C3orf22: variants seen among roughly 807,000 people sequenced by gnomAD.
C3orf22 encodes the protein chromosome 3 open reading frame 22.
Under a neutral mutation model 10.8 loss-of-function variants are expected in C3orf22, and 7 were observed. The observed-to-expected ratio is 0.65, with a 90% CI of 0.37 to 1.22. The LOEUF is 1.22. Among genes scored for constraint, C3orf22 ranks in the 50% most tolerant of loss-of-function variants. C3orf22 has a pLI of 0.02. For missense variants in C3orf22, 173 were observed against 177.0 expected (o/e 0.98, Z 0.13); for synonymous variants, 79 against 78.9 (o/e 1.00, Z 0.00).
chr3:126,532,647 C>T (rs1351051208), intron 4 of C3orf22, among the ~76,000 whole-genome samples: 2 of 152,196 alleles, frequency 1.3e-5, no homozygotes, highest in South Asian at 2.1e-4. Context: ...CTAGCCAGCA[C>T]CACACAGTCT....
intron 4 of C3orf22, among the ~76,000 whole-genome samples, chr3:126,539,036 G>T (rs751865052): frequency 2.6e-5 from 4 of 152,120 alleles, no homozygotes; most frequent in South Asian, 4.1e-4. Flanking sequence ...CTGCTTTGCC[G>T]TGTGCTTACA....
Position 126,549,890 on chromosome 3 carries a change from C to G in C3orf22, c.404G>C (p.Gly135Ala), listed in dbSNP as rs1480513507. Reference sequence around the variant, plus strand: ...TCTCTAGGAGAGGCCCCTGGACAGCCCTGCCGCCTTGCTGGTCTGGGGGCA... The same window carrying G: ...TCTCTAGGAGAGGCCCCTGGACAGCGCTGCCGCCTTGCTGGTCTGGGGGCA... ...AACPQTSKAAGLSRGLS is the reference protein window; with the variant it reads ...AACPQTSKAAALSRGLS Residue 135 changes from glycine to alanine, a missense_variant, in exon 4 of 4, where the codon GGG becomes GCG. Transcript: ENST00000318225. 2 of 1,613,524 alleles carry G rather than the reference C, an allele frequency of 1.2e-6. No individual in the cohort carries two copies. The highest frequency in any genetic ancestry group is 1.7e-6 in the Non-Finnish European group (2 of 1,179,796).
At chr3:126,542,155 T>C (rs1188150461) in intron 4 of C3orf22, 4 of 1,527,106 alleles carry the variant, frequency 2.6e-6, no homozygotes, top group East Asian at 2.5e-5. Context: ...GGCGCTACGG[T>C]GCACGCATCG....
At chr3:126,557,516 T>C (rs543395143) in intron 1 of C3orf22, among the ~76,000 whole-genome samples, 1 of 152,158 alleles carries the variant, frequency 6.6e-6, no homozygotes, top group East Asian at 1.9e-4. Flanking sequence ...GAGGGCGGGG[T>C]ACTGGGCTAG....
At chr3:126,545,202 C>T (rs1937046948), downstream of C3orf22, among the ~76,000 whole-genome samples, 1 of 152,254 alleles carries the variant, frequency 6.6e-6, no homozygotes, top group African/African-American at 2.4e-5. Context: ...TAGTCCAGTG[C>T]CCACAAGGGC....
At chr3:126,537,028 C>A (rs1330610888) in intron 4 of C3orf22, among the ~76,000 whole-genome samples, 1 of 152,158 alleles carries the variant, frequency 6.6e-6, no homozygotes, top group East Asian at 1.9e-4. Flanking sequence ...TTGGCCAGGT[C>A]CCTCCCCTAG....
intron 1 of C3orf22, 47 bp from the exon 2 acceptor site, chr3:126,553,477 C>A (rs922160418): frequency 3.3e-6 from 4 of 1,213,190 alleles, no homozygotes. Context: ...TGGTGGGGGG[C>A]AGAAGGCAGA....
chr3:126,536,226 A>G, intron 4 of C3orf22: 5 of 1,562,470 alleles, frequency 3.2e-6, no homozygotes, highest in Non-Finnish European at 4.4e-6. Flanking sequence ...GGTCCATGCA[A>G]GTCCCTCTGA....
chr3:126,532,278 A>G (rs1936675525), intron 4 of C3orf22, among the ~76,000 whole-genome samples: 1 of 152,188 alleles, frequency 6.6e-6, no homozygotes, highest in Non-Finnish European at 1.5e-5. Context: ...ATGTAGTTCA[A>G]TTTATCTATT....
chr3:126,542,583 C>T, intron 4 of C3orf22: 2 of 1,467,932 alleles, frequency 1.4e-6, no homozygotes, highest in Non-Finnish European at 1.8e-6. Flanking sequence ...CTCTAGCGGT[C>T]CTGGAGGTCC....
chr3:126,528,643 AG>A (rs372699200), intron 5 of C3orf22, among the ~76,000 whole-genome samples: 28 of 152,184 alleles, frequency 1.8e-4, no homozygotes, highest in East Asian at 1.4e-3. Context: ...GGAAGGTGGA[AG>A]TGGGGTCCGG....
downstream of C3orf22, chr3:126,549,567 T>G (rs1937133153): frequency 1.9e-6 from 2 of 1,073,594 alleles, no homozygotes; most frequent in South Asian, 1.3e-5. Context: ...GATAAAGTCC[T>G]AGAAGTGACA....
At chr3:126,542,105 C>T in intron 4 of C3orf22, 2 of 1,581,716 alleles carry the variant, frequency 1.3e-6, no homozygotes, top group Non-Finnish European at 1.7e-6. Flanking sequence ...ATCGGCTTAC[C>T]GCAACAAGCT....
intron 1 of C3orf22, among the ~76,000 whole-genome samples, chr3:126,557,592 A>G (rs1307343678): frequency 2.0e-5 from 3 of 152,130 alleles, no homozygotes; most frequent in Non-Finnish European, 4.4e-5. Context: ...TGCACACTGG[A>G]CACTGAACAC....
At chr3:126,558,449 C>T (rs988646236) in intron 1 of C3orf22, among the ~76,000 whole-genome samples, 178 bp downstream of exon 1, 1 of 152,040 alleles carries the variant, frequency 6.6e-6, no homozygotes, top group Non-Finnish European at 1.5e-5. Context: ...ATGGAGATGA[C>T]CCTGTAAGCT....
At chr3:126,544,835 C>A (rs1345080090), downstream of C3orf22, among the ~76,000 whole-genome samples, 1 of 152,262 alleles carries the variant, frequency 6.6e-6, no homozygotes, top group Admixed American at 6.5e-5. Flanking sequence ...TGTGTACATG[C>A]TGCAGGCACC....
At chr3:126,532,013 T>C (rs1361141196) in intron 4 of C3orf22, among the ~76,000 whole-genome samples, 1 of 152,240 alleles carries the variant, frequency 6.6e-6, no homozygotes, top group African/African-American at 2.4e-5. Context: ...TCTATTTCAC[T>C]AATGGCTAGT....
chr3:126,550,802 C>A (rs549079512), intron 3 of C3orf22, among the ~76,000 whole-genome samples: 1 of 152,336 alleles, frequency 6.6e-6, no homozygotes, highest in Admixed American at 6.5e-5. Flanking sequence ...CTCTCCCCAG[C>A]CTTGGCTCAG....
chr3:126,549,472 C>G, downstream of C3orf22: 1 of 476,692 alleles, frequency 2.1e-6, no homozygotes. Context: ...GTTTAGCAAA[C>G]AGTTTAGCTG....
Sources: allele counts gnomAD v4.1 joint callset (sites outside exome capture counted in the v4.1 genomes callset), GRCh38; gene constraint gnomAD v4.1.1; transcripts MANE v1.5; gene names NCBI Gene and HGNC (gene_info 2026-07-23, HGNC 2026-07-21).